GPC5: variants seen among roughly 807,000 people sequenced by gnomAD.
The protein encoded by GPC5 is glypican-5.
Under a neutral mutation model 53.9 loss-of-function variants are expected in GPC5, and 47 were observed. The observed-to-expected ratio is 0.87, with a 90% confidence interval of 0.69 to 1.11. The LOEUF (loss-of-function observed/expected upper bound fraction) is 1.11. Ranked by LOEUF, GPC5 falls within the 50% of genes most tolerant of loss-of-function variation. GPC5 has a pLI of 0.00. For synonymous variants in GPC5, 286 were observed against 263.3 expected, an observed-to-expected ratio of 1.09 and a Z score of -0.84; for missense variants, 748 against 713.1, an observed-to-expected ratio of 1.05 and a Z score of -0.56.
chr13:91,762,356 A>AT (rs1336001842), intron 5 of GPC5, among the ~76,000 whole-genome samples: 2 of 151,572 alleles, frequency 1.3e-5, no homozygotes, highest in African/African-American at 4.8e-5. Context: ...AGCCACTTCA[A>AT]TTTCAATCTT....
intron 7 of GPC5, among the ~76,000 whole-genome samples, chr13:92,317,725 C>T (rs2043189035): frequency 1.3e-5 from 2 of 152,018 alleles, no homozygotes; most frequent in Admixed American, 1.3e-4. Flanking sequence ...TGGTCTTAAA[C>T]TCCTGACCTC....
At chr13:92,383,792 T>G (rs535282883) in intron 7 of GPC5, among the ~76,000 whole-genome samples, 1 of 152,304 alleles carries the variant, frequency 6.6e-6, no homozygotes, top group South Asian at 2.1e-4. Flanking sequence ...TTAAAATTTT[T>G]TTCTATTTAA....
chr13:92,419,442 A>G (rs898387332), intron 7 of GPC5, among the ~76,000 whole-genome samples: 1 of 152,176 alleles, frequency 6.6e-6, no homozygotes, highest in African/African-American at 2.4e-5. Context: ...AGAATTTCAG[A>G]TTAATCGTGA....
At chr13:92,719,174 C>T (rs1047613058) in intron 7 of GPC5, among the ~76,000 whole-genome samples, 3 of 150,418 alleles carry the variant, frequency 2.0e-5, no homozygotes, top group Non-Finnish European at 4.4e-5. Flanking sequence ...ATAGCCCCCC[C>T]CCACATAATG....
intron 6 of GPC5, among the ~76,000 whole-genome samples, chr13:92,064,921 T>TA (rs1555308165): frequency 2.0e-5 from 3 of 151,510 alleles, no homozygotes; most frequent in South Asian, 2.1e-4. Context: ...ATCCTTTTTT[T>TA]ATGCAGAGAG....
intron 7 of GPC5, among the ~76,000 whole-genome samples, chr13:92,287,047 C>T (rs12874858): frequency 0.085 from 13,006 of 152,160 alleles, 619 homozygotes; most frequent in Middle Eastern, 0.12. Context: ...TCCAGATCTA[C>T]AGAGAAGATA....
At chr13:92,838,524 C>G (rs563735111) in intron 7 of GPC5, among the ~76,000 whole-genome samples, 2 of 151,372 alleles carry the variant, frequency 1.3e-5, no homozygotes, top group East Asian at 2.0e-4. Flanking sequence ...TAAACCTACT[C>G]TATAGAAAAT....
At chr13:92,248,946 C>T (rs1035529258) in intron 7 of GPC5, among the ~76,000 whole-genome samples, 9 of 152,140 alleles carry the variant, frequency 5.9e-5, no homozygotes, top group South Asian at 2.1e-4. Flanking sequence ...TTATTCATTA[C>T]GTGGAGAGCA....
chr13:92,374,776 C>T (rs948354922), intron 7 of GPC5, among the ~76,000 whole-genome samples: 10 of 145,830 alleles, frequency 6.9e-5, no homozygotes, highest in South Asian at 2.2e-4. Flanking sequence ...GTGGGTGCAG[C>T]GCACCAGCAT....
intron 7 of GPC5, among the ~76,000 whole-genome samples, chr13:92,600,254 T>C (rs752512409): frequency 6.6e-6 from 1 of 152,220 alleles, no homozygotes; most frequent in Non-Finnish European, 1.5e-5. Context: ...ATGGATATAT[T>C]TGAATATATT....
At chr13:91,977,382 A>G (rs2040313367) in intron 6 of GPC5, among the ~76,000 whole-genome samples, 1 of 152,320 alleles carries the variant, frequency 6.6e-6, no homozygotes, top group East Asian at 1.9e-4. Flanking sequence ...GAAGAAAGCA[A>G]TTTGTTATAA....
chr13:92,864,440 C>T (rs965018223), intron 7 of GPC5, among the ~76,000 whole-genome samples: 1 of 152,082 alleles, frequency 6.6e-6, no homozygotes, highest in East Asian at 1.9e-4. Flanking sequence ...CATGAATGAA[C>T]AAAATATAAG....
intron 2 of GPC5, among the ~76,000 whole-genome samples, chr13:91,613,433 G>A (rs905640511): frequency 2.0e-5 from 3 of 152,088 alleles, no homozygotes; most frequent in African/African-American, 7.2e-5. Flanking sequence ...ATCTCCCACC[G>A]GGGCTCTCCC....
At chr13:92,516,807 A>C (rs984163496) in intron 7 of GPC5, among the ~76,000 whole-genome samples, 1 of 152,052 alleles carries the variant, frequency 6.6e-6, no homozygotes, top group African/African-American at 2.4e-5. Flanking sequence ...GGTTCATCTC[A>C]CTGGGGTTCA....
chr13:91,628,625 G>A (rs1222775069), intron 2 of GPC5, among the ~76,000 whole-genome samples: 2 of 152,108 alleles, frequency 1.3e-5, no homozygotes, highest in African/African-American at 4.8e-5. Flanking sequence ...GACAGTACTT[G>A]ATATCACCCC....
intron 2 of GPC5, among the ~76,000 whole-genome samples, chr13:91,662,830 A>T (rs1293610095): frequency 6.6e-6 from 1 of 152,158 alleles, no homozygotes; most frequent in Non-Finnish European, 1.5e-5. Context: ...CAAAACATAT[A>T]CTACCTGTGA....
At chr13:92,597,054 C>G (rs1019326035) in intron 7 of GPC5, among the ~76,000 whole-genome samples, 3 of 152,148 alleles carry the variant, frequency 2.0e-5, no homozygotes, top group African/African-American at 4.8e-5. Context: ...CCAGGCAACT[C>G]AGAACACTAT....
At chr13:91,505,861 C>G (rs1463542874) in intron 2 of GPC5, among the ~76,000 whole-genome samples, 2 of 152,198 alleles carry the variant, frequency 1.3e-5, no homozygotes, top group African/African-American at 4.8e-5. Flanking sequence ...TTCCCAGATA[C>G]TCTTATCTTC....
chr13:92,382,136 T>C (rs914191583), intron 7 of GPC5, among the ~76,000 whole-genome samples: 2 of 151,674 alleles, frequency 1.3e-5, no homozygotes, highest in Admixed American at 6.6e-5. Flanking sequence ...AAACATCATA[T>C]GTTCTCACTG....
Sources: allele counts gnomAD v4.1 joint callset (sites outside exome capture counted in the v4.1 genomes callset), GRCh38; gene constraint gnomAD v4.1.1; transcripts MANE v1.5; gene names NCBI Gene and HGNC (gene_info 2026-07-23, HGNC 2026-07-21).